LRP2: variants seen among roughly 807,000 people sequenced by gnomAD.
The protein encoded by LRP2 is low-density lipoprotein receptor-related protein 2.
Under a neutral mutation model 531.0 loss-of-function variants are expected in LRP2, and 172 were observed. That is an observed-to-expected ratio of 0.32 (90% CI 0.29 to 0.37). The LOEUF (loss-of-function observed/expected upper bound fraction) is 0.37, where lower values mean the gene tolerates loss of function less well. Ranked by LOEUF, LRP2 falls within the 10% of genes least tolerant of loss-of-function variation. LRP2 has a pLI of 1.00. For missense variants in LRP2, 5,167 were observed against 5,868.3 expected, an observed-to-expected ratio of 0.88 and a Z score of 3.90; for synonymous variants, 1,992 against 2,027.6, an observed-to-expected ratio of 0.98 and a Z score of 0.47.
intron 16 of LRP2, among the ~76,000 whole-genome samples, chr2:169,266,579 T>TC (rs1166989605): frequency 6.6e-6 from 1 of 152,060 alleles, no homozygotes; most frequent in African/African-American, 2.4e-5. Flanking sequence ...TTGAGTAACT[T>TC]CCCCAAAGTT....
chr2:169,211,940 A>T (rs1688608554), intron 37 of LRP2, 28 bp downstream of exon 37: 1 of 1,613,494 alleles, frequency 6.2e-7, no homozygotes. Flanking sequence ...GATGAAGTCA[A>T]ATCTTACTTA....
At chr2:169,237,564 A>G (rs1439001999) in intron 27 of LRP2, among the ~76,000 whole-genome samples, 2 of 152,206 alleles carry the variant, frequency 1.3e-5, no homozygotes, top group Non-Finnish European at 2.9e-5. Flanking sequence ...TGCAATTAAG[A>G]AAAAGCTCTA....
At chr2:169,139,957 A>G (rs1685659571) in intron 72 of LRP2, among the ~76,000 whole-genome samples, 1 of 152,204 alleles carries the variant, frequency 6.6e-6, no homozygotes, top group African/African-American at 2.4e-5. Flanking sequence ...AATGCTTTTT[A>G]AAGACATCCA....
intron 30 of LRP2, 121 bp downstream of exon 30, chr2:169,233,290 T>C: frequency 9.0e-7 from 1 of 1,116,680 alleles, no homozygotes; most frequent in Non-Finnish European, 1.3e-6. Context: ...GGGTGGTTTG[T>C]AAAGAGAAAA....
At chr2:169,297,819 A>G (rs1401377770) in intron 4 of LRP2, among the ~76,000 whole-genome samples, 3 of 152,186 alleles carry the variant, frequency 2.0e-5, no homozygotes, top group Admixed American at 2.0e-4. Context: ...AGATACAAAT[A>G]TAAGGCACTG....
intron 48 of LRP2, 61 bp from the exon 49 acceptor site, chr2:169,188,326 CA>C: frequency 5.2e-6 from 8 of 1,547,450 alleles, no homozygotes; most frequent in Non-Finnish European, 5.4e-6. Flanking sequence ...AACTATTACC[CA>C]CTTGGGGTTT....
chr2:169,277,721 T>A (rs1559053404), intron 13 of LRP2, 24 bp downstream of exon 13: 4 of 1,599,144 alleles, frequency 2.5e-6, no homozygotes, highest in Non-Finnish European at 3.4e-6. Context: ...TATAAAGCCA[T>A]AAGCCATAAA....
chr2:169,179,664 G>C (rs1305694356), intron 52 of LRP2, among the ~76,000 whole-genome samples: 2 of 151,870 alleles, frequency 1.3e-5, no homozygotes, highest in African/African-American at 2.4e-5. Flanking sequence ...AGGTTGTGGT[G>C]AGCCGAGATC....
chr2:169,209,971 C>A (rs996947679), intron 37 of LRP2, among the ~76,000 whole-genome samples: 1 of 151,766 alleles, frequency 6.6e-6, no homozygotes, highest in Non-Finnish European at 1.5e-5. Flanking sequence ...TTCTCCCTGG[C>A]CAAAATGGAT....
Position 169,204,082 on chromosome 2 carries a change from G to A in LRP2, c.7905C>T (p.Ser2635=). Residue 2635 remains serine, a synonymous_variant, in exon 42 of 79, where the codon TCC becomes TCT. Coordinates refer to ENST00000649046, the MANE Select transcript of LRP2 (RefSeq NM_004525.3). ...GQIAMTTNLL[S]QPRGINTVVK... ...CAACAGTGTTGATTCCCCTGGGCTG[G>A]GAGAGCAAATTTGTGGTCATTGCAA... 1 of 1,614,130 alleles carries A rather than the reference G, an allele frequency of 6.2e-7. No homozygotes were observed. The highest frequency in any genetic ancestry group is 8.5e-7 in the Non-Finnish European group (1 of 1,180,000).
intron 60 of LRP2, among the ~76,000 whole-genome samples, chr2:169,169,129 G>A (rs1307324211): frequency 6.6e-6 from 1 of 152,182 alleles, no homozygotes; most frequent in African/African-American, 2.4e-5. Context: ...TCCAGTTTTT[G>A]TAGGGAAAAG....
rs146767185 is a variant in LRP2 at position 169,332,029 on chromosome 2, A to G, written c.80-11145T>C. Among the ~76,000 whole-genome samples the G allele has an allele frequency of 6.6e-5, 10 of 152,370 alleles. 2 individuals carry two copies. Among genetic ancestry groups the G allele is most frequent in the African/African-American group, 2.4e-4 (10 of 41,602 alleles). On this transcript the variant is annotated intron_variant, in intron 1 of 78. Coordinates refer to ENST00000649046, the MANE Select transcript of LRP2 (RefSeq NM_004525.3). Reference sequence around the variant, plus strand: ...CAAATTAGGGTTTTCCTGATTAATTAGGTCCAAGTGTTGAACCATAAATCA... The same window carrying G: ...CAAATTAGGGTTTTCCTGATTAATTGGGTCCAAGTGTTGAACCATAAATCA...
chr2:169,357,324 ATTTTATTTTATT>A (rs1415139965), intron 1 of LRP2, among the ~76,000 whole-genome samples: 7 of 105,132 alleles, frequency 6.7e-5, no homozygotes, highest in East Asian at 2.7e-4. Flanking sequence ...ATTTTATTTT[ATTTTATTTTATT>A]TTATTTTATT....
chr2:169,162,908 C>T (rs534130814), intron 62 of LRP2, among the ~76,000 whole-genome samples: 1 of 152,350 alleles, frequency 6.6e-6, no homozygotes, highest in Admixed American at 6.5e-5. Context: ...TGCAGGAGGG[C>T]TGTGAAACCA....
chr2:169,285,967 G>C (rs1559057395), intron 9 of LRP2, among the ~76,000 whole-genome samples: 1 of 152,226 alleles, frequency 6.6e-6, no homozygotes, highest in Non-Finnish European at 1.5e-5. Flanking sequence ...CAGCCATGCA[G>C]AGGGTTATAG....
At chr2:169,324,130 C>A (rs575150321) in intron 1 of LRP2, among the ~76,000 whole-genome samples, 1 of 152,220 alleles carries the variant, frequency 6.6e-6, no homozygotes, top group African/African-American at 2.4e-5. Flanking sequence ...CTCATAATAA[C>A]CCTATGAAAT....
At chr2:169,201,299 A>C (rs1475030486) in intron 44 of LRP2, among the ~76,000 whole-genome samples, 1 of 152,158 alleles carries the variant, frequency 6.6e-6, no homozygotes, top group Non-Finnish European at 1.5e-5. Context: ...TAAGTGACAA[A>C]ATTTGAACAT....
intron 18 of LRP2, among the ~76,000 whole-genome samples, chr2:169,256,851 G>A (rs1187427149): frequency 6.6e-6 from 1 of 152,030 alleles, no homozygotes; most frequent in Non-Finnish European, 1.5e-5. Context: ...CCCATCTTGA[G>A]TTTCCACTAA....
At chr2:169,310,617 A>T (rs1684567447) in intron 3 of LRP2, among the ~76,000 whole-genome samples, 1 of 152,134 alleles carries the variant, frequency 6.6e-6, no homozygotes, top group Non-Finnish European at 1.5e-5. Context: ...ATTTCACTGA[A>T]GATTTTTGCA....
Sources: gnomAD v4.1 joint callset for allele counts (sites outside exome capture counted in the v4.1 genomes callset) on GRCh38, gnomAD v4.1.1 for gene constraint, MANE v1.5 for transcripts, NCBI Gene and HGNC (gene_info 2026-07-23, HGNC 2026-07-21) for gene names.